SLCO1B3: variants seen among roughly 807,000 people sequenced by gnomAD.
The protein encoded by SLCO1B3 is solute carrier organic anion transporter family member 1B3, also known as liver-specific organic anion transporter 2.
In SLCO1B3, 72 loss-of-function variants were observed where a neutral mutation model predicts 71.8. The ratio of observed to expected loss-of-function variants is 1.00; its 90% CI spans 0.83 to 1.22. The LOEUF is 1.22. SLCO1B3 is among the 50% of genes most tolerant of loss of function. The pLI is 0.00. For synonymous variants in SLCO1B3, 298 were observed against 278.4 expected, an observed-to-expected ratio of 1.07 and a Z score of -0.70; for missense variants, 911 against 819.7, an observed-to-expected ratio of 1.11 and a Z score of -1.36.
intron 13 of SLCO1B3, among the ~76,000 whole-genome samples, chr12:20,889,913 TA>T (rs754289485): frequency 1.4e-3 from 123 of 85,944 alleles, no homozygotes; most frequent in South Asian, 6.6e-3. Flanking sequence ...TTCATTTTCT[TA>T]ATTTTTTTTT....
At chr12:20,858,178 T>C (rs1418606168) in intron 4 of SLCO1B3, among the ~76,000 whole-genome samples, 1 of 151,792 alleles carries the variant, frequency 6.6e-6, no homozygotes, top group Non-Finnish European at 1.5e-5. Flanking sequence ...CTCCAAATTT[T>C]CAAAAAAAAA....
chr12:20,837,298 C>T (rs1864704931), intron 3 of SLCO1B3, among the ~76,000 whole-genome samples: 1 of 151,586 alleles, frequency 6.6e-6, no homozygotes, highest in South Asian at 2.1e-4. Context: ...CTATTGAATT[C>T]CTGTTTTTAA....
chr12:20,823,548 A>G lies in SLCO1B3; in HGVS notation c.84+7726A>G, dbSNP rs184949914. Among the ~76,000 whole-genome samples, 430 of 152,346 alleles carry G rather than the reference A, an allele frequency of 2.8e-3. 1 individual carries two copies. Among genetic ancestry groups the G allele is most frequent in the African/African-American group, 9.6e-3 (398 of 41,582 alleles). On this transcript the variant is annotated intron_variant, in intron 3 of 15. Coordinates refer to ENST00000381545, the MANE Select transcript of SLCO1B3 (RefSeq NM_019844.4). The stretch of plus-strand genomic sequence containing the variant: ...ATCATAGTAGGACCAATTTATTGGT[A>G]AAATAAATTTTAGTACTTTTACACT...
intron 3 of SLCO1B3, among the ~76,000 whole-genome samples, chr12:20,840,707 G>A (rs4581505): frequency 0.54 from 81,358 of 151,946 alleles, 24,323 homozygotes; most frequent in South Asian, 0.77. Context: ...GATGGCTAGA[G>A]TGGGCTGTAA....
Position 20,825,026 on chromosome 12 carries a change from G to A in SLCO1B3, c.84+9204G>A, listed in dbSNP as rs375337165. Among the ~76,000 whole-genome samples, 162 of 152,236 alleles carry A rather than the reference G, an allele frequency of 1.1e-3. 4 individuals carry two copies. The South Asian group carries it at 0.033, about 31-fold the overall frequency. ...TAATTTCCCAAACAATGAGCCCTAA[G>A]AGAGACTGCATGAGGCCAATTAAAT... On this transcript the variant is annotated intron_variant, in intron 3 of 15. Coordinates refer to ENST00000381545, the MANE Select transcript of SLCO1B3 (RefSeq NM_019844.4).
chr12:20,834,341 A>G (rs1864624878), intron 3 of SLCO1B3, among the ~76,000 whole-genome samples: 1 of 142,400 alleles, frequency 7.0e-6, no homozygotes, highest in Non-Finnish European at 1.5e-5. Context: ...GTTGTAAGCT[A>G]TATATGTAGT....
At chr12:20,914,959 G>C (rs1271115520) in intron 15 of SLCO1B3, among the ~76,000 whole-genome samples, 1 of 151,758 alleles carries the variant, frequency 6.6e-6, no homozygotes, top group African/African-American at 2.4e-5. Flanking sequence ...ATTTTCTATA[G>C]CTTGAAAATA....
chr12:20,816,428 A>T (rs1299442168), intron 3 of SLCO1B3, among the ~76,000 whole-genome samples: 1 of 152,108 alleles, frequency 6.6e-6, no homozygotes, highest in Non-Finnish European at 1.5e-5. Flanking sequence ...TGATGTTTAG[A>T]TCCCACAAAT....
chr12:20,834,630 T>G (rs1468811102), intron 3 of SLCO1B3, among the ~76,000 whole-genome samples: 1 of 152,012 alleles, frequency 6.6e-6, no homozygotes, highest in Non-Finnish European at 1.5e-5. Flanking sequence ...CTGGCAAACA[T>G]CAGTGCTCAG....
At chr12:20,864,971 A>C (rs1034824886) in intron 8 of SLCO1B3, among the ~76,000 whole-genome samples, 1 of 152,096 alleles carries the variant, frequency 6.6e-6, no homozygotes, top group Admixed American at 6.6e-5. Flanking sequence ...GCTCTGGTCT[A>C]TACTTTTCAT....
intron 7 of SLCO1B3, 77 bp downstream of exon 7, chr12:20,862,635 T>A (rs1166877471): frequency 1.1e-5 from 16 of 1,476,266 alleles, no homozygotes; most frequent in Admixed American, 2.1e-5. Context: ...CATTATTTTT[T>A]TCTTTTACCT....
intron 3 of SLCO1B3, among the ~76,000 whole-genome samples, chr12:20,842,140 T>A (rs1381287844): frequency 1.3e-5 from 2 of 152,140 alleles, no homozygotes; most frequent in Non-Finnish European, 2.9e-5. Context: ...GTGATCCACC[T>A]GCCTTGGCCT....
At chr12:20,845,170 CT>C (rs1265513373) in intron 3 of SLCO1B3, 3 of 468,824 alleles carry the variant, frequency 6.4e-6, no homozygotes, top group Non-Finnish European at 1.3e-5. Flanking sequence ...GATTGTGACC[CT>C]ATGTACAAGG....
intron 15 of SLCO1B3, among the ~76,000 whole-genome samples, chr12:20,909,560 G>A (rs7953021): frequency 0.49 from 73,661 of 151,844 alleles, 21,376 homozygotes; most frequent in South Asian, 0.76. Context: ...CTTTTTAACT[G>A]TTTTTTCTAT....
intron 5 of SLCO1B3, among the ~76,000 whole-genome samples, chr12:20,860,244 C>T (rs1010373896): frequency 2.0e-5 from 3 of 152,136 alleles, no homozygotes; most frequent in Non-Finnish European, 4.4e-5. Context: ...CGTGAGCCAC[C>T]GCGCCCAGCC....
At position 20,859,407 on chromosome 12, in the gene SLCO1B3, C is replaced by T. The variant is rs147571794; in HGVS notation, c.359+836C>T. 3.5e-3 allele frequency among the ~76,000 whole-genome samples: 536 copies of T among 152,248 alleles called. 5 individuals are homozygous for T. The highest frequency in any genetic ancestry group is 0.031 in the Middle Eastern group (9 of 294). Reference sequence around the variant, plus strand: ...GAGAAGAAAGGATACTGAGAGACAACGAGCAGTTTGTTAGAGACACCAATT... The same window carrying T: ...GAGAAGAAAGGATACTGAGAGACAATGAGCAGTTTGTTAGAGACACCAATT... On this transcript the variant is annotated intron_variant, in intron 5 of 15. Coordinates refer to ENST00000381545, the MANE Select transcript of SLCO1B3 (RefSeq NM_019844.4).
intron 9 of SLCO1B3, among the ~76,000 whole-genome samples, chr12:20,877,283 G>A (rs747630447): frequency 2.6e-4 from 39 of 152,024 alleles, no homozygotes; most frequent in Admixed American, 2.4e-3. Flanking sequence ...ATAGTAAAGC[G>A]AATTTTAATT....
At position 20,916,228 on chromosome 12, in the gene SLCO1B3, A is replaced by G. The variant is rs143038862; in HGVS notation, c.2090A>G (p.Asp697Gly). ...AAAACATGTAATTTGGACATGCAAG[A>G]CAATGCTGCTGCCAACTAACATTGC... is the stretch of plus-strand genomic sequence containing the variant. ...DSKTCNLDMQ[D>G]NAAAN Residue 697 changes from aspartate (D) to glycine (G), a missense_variant, in exon 16 of 16, where the codon GAC becomes GGC. Transcript: ENST00000381545. 48 of 1,612,808 alleles carry G rather than the reference A, an allele frequency of 3.0e-5. No individual in the cohort carries two copies. The highest frequency in any genetic ancestry group is 1.1e-4 in the East Asian group (5 of 44,776).
At chr12:20,879,821 A>G (rs531752504) in intron 11 of SLCO1B3, among the ~76,000 whole-genome samples, 190 bp downstream of exon 11, 133 of 152,286 alleles carry the variant, frequency 8.7e-4, no homozygotes, top group Middle Eastern at 3.4e-3. Flanking sequence ...TTCCTTAAGG[A>G]AAAGCAACAT....
Sources: gnomAD v4.1 joint callset for allele counts (sites outside exome capture counted in the v4.1 genomes callset) on GRCh38, gnomAD v4.1.1 for gene constraint, MANE v1.5 for transcripts, NCBI Gene and HGNC (gene_info 2026-07-23, HGNC 2026-07-21) for gene names.